Variants in FNBP4 observed in about 807,000 individuals in gnomAD.
The protein encoded by FNBP4 is formin binding protein 4.
Under a neutral mutation model 119.3 loss-of-function variants are expected in FNBP4, and 34 were observed. That is an observed-to-expected ratio of 0.28 (90% confidence interval 0.22 to 0.38). The LOEUF is 0.38. Ranked by LOEUF, FNBP4 falls within the 10% of genes least tolerant of loss-of-function variation. FNBP4 has a pLI of 1.00. For synonymous variants in FNBP4, 462 were observed against 430.6 expected (o/e 1.07, Z -0.90); for missense variants, 1,112 against 1,228.9 (o/e 0.90, Z 1.42).
Position 47,734,131 on chromosome 11 carries a change from T to G in FNBP4, c.1582-2A>C. The G allele has an allele frequency of 6.4e-7, 1 of 1,554,984 alleles. No homozygotes were observed. The highest frequency in any genetic ancestry group is 8.7e-7 in the Non-Finnish European group (1 of 1,151,668). On this transcript the variant is annotated splice_acceptor_variant, in intron 9 of 16. Transcript: ENST00000263773. LOFTEE classifies it high-confidence loss of function. ...ATTTGCCAGTTCTCCAATCTGAAAC[T>G]ACAATGCAAAAAAGAAAAAAAGTAA...
At chr11:47,750,876 G>C (rs1309823596) in intron 6 of FNBP4, 40 bp downstream of exon 6, 1 of 1,607,818 alleles carries the variant, frequency 6.2e-7, no homozygotes, top group Admixed American at 1.7e-5. Context: ...ACGCTTATTA[G>C]ATCTGAAAAT....
rs1394962061 is a variant in FNBP4 at position 47,732,869 on chromosome 11, G to C, written c.1687-199C>G. On this transcript the variant is annotated intron_variant, in intron 10 of 16. Coordinates refer to ENST00000263773, the MANE Select transcript of FNBP4 (RefSeq NM_015308.5). This position sits in a 1 kb window ranked among gnomAD's most constrained non-coding sequence, Gnocchi z 4.2. ...ATGGTGGCTCACGCCTGTAATCCCAGCACTTTGGGAGGCTGAGGCGGGTGG... is the reference window on the plus strand; with the variant it reads ...ATGGTGGCTCACGCCTGTAATCCCACCACTTTGGGAGGCTGAGGCGGGTGG... Among the ~76,000 whole-genome samples, 1 of 152,192 alleles carries C rather than the reference G, an allele frequency of 6.6e-6. No homozygotes were observed. Among genetic ancestry groups the C allele is most frequent in the Non-Finnish European group, 1.5e-5 (1 of 68,032 alleles).
At chr11:47,741,368 C>T (rs541441222) in intron 8 of FNBP4, among the ~76,000 whole-genome samples, 1 of 151,790 alleles carries the variant, frequency 6.6e-6, no homozygotes, top group Non-Finnish European at 1.5e-5. Context: ...CAGTGTCTTG[C>T]TATATTGTCC....
intron 2 of FNBP4, among the ~76,000 whole-genome samples, chr11:47,762,290 C>T (rs1335340708): frequency 6.6e-6 from 1 of 151,948 alleles, no homozygotes. Context: ...TGCCACCATA[C>T]CCAGCTAATT....
chr11:47,754,460 TGACCAC>T (rs2097611769), intron 3 of FNBP4, 62 bp downstream of exon 3: 9 of 1,529,960 alleles, frequency 5.9e-6, no homozygotes, highest in Non-Finnish European at 8.1e-6. Context: ...ACAAGTACGC[TGACCAC>T]TTAAGATCCA....
At chr11:47,740,140 C>T (rs1327711299) in intron 8 of FNBP4, among the ~76,000 whole-genome samples, 1 of 151,730 alleles carries the variant, frequency 6.6e-6, no homozygotes, top group Non-Finnish European at 1.5e-5. Flanking sequence ...ATTGGTCAGG[C>T]GCAGTGTCTC....
rs188122620 is a variant in FNBP4 at position 47,754,391 on chromosome 11, G to A, written c.450+137C>T. 321 of 824,316 alleles carry A rather than the reference G, an allele frequency of 3.9e-4. 3 individuals carry two copies. The East Asian group carries it at 8.1e-3, about 21-fold the overall frequency. The allele number at this position is 824,316 out of a possible 1,614,324, so 51.1% of individuals were successfully genotyped here. ...AAACAAAAAGAGAGATAGAGATCGGGAGAAATACAAGAGAGTGTTGGAGGG... is the reference window on the plus strand; with the variant it reads ...AAACAAAAAGAGAGATAGAGATCGGAAGAAATACAAGAGAGTGTTGGAGGG... On this transcript the variant is annotated intron_variant, in intron 3 of 16. Transcript: ENST00000263773.
At chr11:47,747,634 T>C (rs1366500218) in intron 6 of FNBP4, among the ~76,000 whole-genome samples, 1 of 151,994 alleles carries the variant, frequency 6.6e-6, no homozygotes, top group Non-Finnish European at 1.5e-5. Flanking sequence ...AAGTATGCCA[T>C]GAAGGTGATT....
chr11:47,747,609 A>G (rs2097593140), intron 6 of FNBP4, among the ~76,000 whole-genome samples: 2 of 152,104 alleles, frequency 1.3e-5, no homozygotes, highest in South Asian at 4.1e-4. Context: ...GCTGGGCCTG[A>G]TAAGAAAATT....
At chr11:47,740,171 T>C (rs534264733) in intron 8 of FNBP4, among the ~76,000 whole-genome samples, 1 of 151,746 alleles carries the variant, frequency 6.6e-6, no homozygotes, top group African/African-American at 2.4e-5. Context: ...TCCAAGCACT[T>C]TGGGAGGCAG....
chr11:47,725,809 C>T (rs2135081520), intron 12 of FNBP4: 1 of 982,156 alleles, frequency 1.0e-6, no homozygotes, highest in Non-Finnish European at 1.2e-6. Flanking sequence ...AGATATATAT[C>T]CCAGGAATGT....
At chr11:47,761,843 CT>C (rs879599577) in intron 2 of FNBP4, among the ~76,000 whole-genome samples, 182 of 144,932 alleles carry the variant, frequency 1.3e-3, no homozygotes, top group Middle Eastern at 3.6e-3. Flanking sequence ...AATTTAATTT[CT>C]TTTTTTTTTT....
At chr11:47,727,790 C>G (rs528815048) in intron 12 of FNBP4, among the ~76,000 whole-genome samples, 1 of 152,330 alleles carries the variant, frequency 6.6e-6, no homozygotes, top group South Asian at 2.1e-4. Flanking sequence ...TACAATGATG[C>G]TTCTCCTTGC....
rs2097574593 is a variant in FNBP4 at position 47,736,691 on chromosome 11, C to T, written c.1506G>A (p.Glu502=). The change falls in exon 9 of 17, where the codon GAG becomes GAA. Residue 502 remains glutamate (E), a synonymous_variant. Transcript: ENST00000263773. ...TCTCTGGAGATTCTTCTACTTCCAT[C>T]TCTTTATCTGAATTCTCATCTATTT... ...SEKIDENSDK[E]MEVEESPEKI... is the part of the protein sequence containing the mutation. The T allele has an allele frequency of 1.2e-6, 2 of 1,604,332 alleles. No individual in the cohort carries two copies. The highest frequency in any genetic ancestry group is 1.7e-6 in the Non-Finnish European group (2 of 1,172,594).
Position 47,743,937 on chromosome 11 carries a change from G to A in FNBP4, c.1456+16C>T. On this transcript the variant is annotated intron_variant, in intron 8 of 16. Transcript: ENST00000263773. ...ATATCTTTCAACTCTGAAGTTTAAT[G>A]TGAAGCACAAATTACCAGTTTCTCC... 6.2e-7 allele frequency: 1 copy of A among 1,609,410 alleles called. No homozygotes were observed. Among genetic ancestry groups the A allele is most frequent in the Non-Finnish European group, 8.5e-7 (1 of 1,176,140 alleles).
intron 12 of FNBP4, among the ~76,000 whole-genome samples, chr11:47,731,132 A>G (rs2097566915): frequency 6.6e-6 from 1 of 152,112 alleles, no homozygotes; most frequent in African/African-American, 2.4e-5. Flanking sequence ...TTATAAAACA[A>G]TTTTTTAAAA....
In FNBP4 at chr11:47,732,352, T is replaced by C. The variant is rs531654537; in HGVS notation, c.1820+185A>G. The stretch of plus-strand genomic sequence containing the variant: ...TCCGTTACATGGAACACTTTAAACA[T>C]TGCTTTTGTTTCTCCAATGTGTGGC... On this transcript the variant is annotated intron_variant, in intron 11 of 16. Coordinates refer to ENST00000263773, the MANE Select transcript of FNBP4 (RefSeq NM_015308.5). This position sits in a 1 kb window ranked among gnomAD's most constrained non-coding sequence, Gnocchi z 4.2. 4.0e-6 allele frequency: 6 copies of C among 1,494,886 alleles called. No homozygotes were observed. In the Admixed American group the frequency reaches 7.3e-5, roughly 18 times the overall value. 92.6% of individuals were successfully genotyped at this position (1,494,886 alleles called of 1,614,324 possible). A position where few individuals can be genotyped will look rare whatever the true frequency, so the allele number is the denominator to read the frequency against.
At chr11:47,723,867 A>G (rs1383874602) in intron 14 of FNBP4, among the ~76,000 whole-genome samples, 161 bp downstream of exon 14, 2 of 151,894 alleles carry the variant, frequency 1.3e-5, no homozygotes, top group South Asian at 2.1e-4. Flanking sequence ...ACGGTCAGCT[A>G]AACTGTCAAA....
At chr11:47,745,704 C>A (rs559671440) in intron 7 of FNBP4, among the ~76,000 whole-genome samples, 9 of 152,086 alleles carry the variant, frequency 5.9e-5, no homozygotes, top group African/African-American at 1.9e-4. Context: ...GTTTGAGGCT[C>A]GGGTGGGCAT....
Sources: gnomAD v4.1 joint callset for allele counts (sites outside exome capture counted in the v4.1 genomes callset) on GRCh38, gnomAD v4.1.1 for gene constraint, Gnocchi (gnomAD v3.1) non-coding constraint, MANE v1.5 for transcripts, NCBI Gene and HGNC (gene_info 2026-07-23, HGNC 2026-07-21) for gene names.